Variants in CSMD1 observed in about 807,000 individuals in gnomAD.
CSMD1 encodes the protein CUB and Sushi multiple domains 1, also known as CUB and sushi domain-containing protein 1.
Under a neutral mutation model 417.5 loss-of-function variants are expected in CSMD1, and 213 were observed. That is an observed-to-expected ratio of 0.51 (90% CI 0.46 to 0.57). The LOEUF (loss-of-function observed/expected upper bound fraction) is 0.57. Among genes scored for constraint, CSMD1 ranks in the 20% least tolerant of loss-of-function variants. CSMD1 has a pLI of 0.00. For synonymous variants in CSMD1, 2,862 were observed against 1,736.8 expected, an observed-to-expected ratio of 1.65 and a Z score of -16.11; for missense variants, 6,923 against 4,529.7, an observed-to-expected ratio of 1.53 and a Z score of -15.17.
At chr8:4,351,709 C>T (rs77020760) in intron 3 of CSMD1, among the ~76,000 whole-genome samples, 1 of 152,064 alleles carries the variant, frequency 6.6e-6, no homozygotes. Context: ...AGGAATTAGC[C>T]AGACATGGAA....
At chr8:3,520,242 T>C (rs1797452071) in intron 10 of CSMD1, among the ~76,000 whole-genome samples, 1 of 152,004 alleles carries the variant, frequency 6.6e-6, no homozygotes, top group Admixed American at 6.6e-5. Flanking sequence ...TGATTATAGG[T>C]TGGCCAGAGA....
At chr8:4,175,093 G>A (rs940646082) in intron 3 of CSMD1, among the ~76,000 whole-genome samples, 4 of 151,720 alleles carry the variant, frequency 2.6e-5, no homozygotes, top group Non-Finnish European at 4.4e-5. Context: ...CACTTTCATA[G>A]ACAAATTTCT....
At chr8:3,306,405 C>T (rs892358601) in intron 25 of CSMD1, among the ~76,000 whole-genome samples, 5 of 152,116 alleles carry the variant, frequency 3.3e-5, no homozygotes, top group African/African-American at 1.2e-4. Flanking sequence ...AACTACTGAT[C>T]TTAAGTGATC....
intron 3 of CSMD1, among the ~76,000 whole-genome samples, chr8:4,132,305 T>G (rs1803158917): frequency 6.7e-6 from 1 of 150,370 alleles, no homozygotes; most frequent in East Asian, 2.0e-4. Flanking sequence ...GAAGGTAAAC[T>G]CAGACTGAGC....
intron 1 of CSMD1, among the ~76,000 whole-genome samples, chr8:4,961,617 C>G (rs1245924769): frequency 6.6e-6 from 1 of 152,076 alleles, no homozygotes; most frequent in Non-Finnish European, 1.5e-5. Context: ...CGTTTTGTCG[C>G]TCAAACTTTT....
intron 3 of CSMD1, among the ~76,000 whole-genome samples, chr8:4,136,609 G>C (rs901127595): frequency 6.6e-6 from 1 of 152,152 alleles, no homozygotes; most frequent in Non-Finnish European, 1.5e-5. Flanking sequence ...CAGCAAGAGA[G>C]GTTGAATATA....
chr8:4,017,742 A>T (rs1194954093), intron 4 of CSMD1, among the ~76,000 whole-genome samples: 2 of 152,148 alleles, frequency 1.3e-5, no homozygotes, highest in African/African-American at 4.8e-5. Flanking sequence ...TGTGCATGGT[A>T]CAAATGCTGA....
At chr8:3,426,309 C>T (rs546560693) in intron 12 of CSMD1, among the ~76,000 whole-genome samples, 2 of 152,198 alleles carry the variant, frequency 1.3e-5, no homozygotes, top group Admixed American at 6.5e-5. Flanking sequence ...TTTTAAGTAC[C>T]AGAGGTTATT....
chr8:3,124,583 A>G (rs1249885140), intron 41 of CSMD1, among the ~76,000 whole-genome samples: 1 of 152,214 alleles, frequency 6.6e-6, no homozygotes, highest in Non-Finnish European at 1.5e-5. Context: ...GAGTTTCAGA[A>G]GAGAGATGAC....
chr8:4,178,515 T>A (rs1344409758), intron 3 of CSMD1, among the ~76,000 whole-genome samples: 1 of 151,004 alleles, frequency 6.6e-6, no homozygotes, highest in African/African-American at 2.4e-5. Flanking sequence ...CTTTGAAAAC[T>A]GGCACAAGAC....
intron 1 of CSMD1, among the ~76,000 whole-genome samples, chr8:4,715,831 A>G (rs1004242492): frequency 1.3e-5 from 2 of 152,080 alleles, no homozygotes; most frequent in Admixed American, 1.3e-4. Context: ...TCTGGACCAA[A>G]CCAAAGTGGA....
intron 3 of CSMD1, among the ~76,000 whole-genome samples, chr8:4,314,050 A>G (rs1563438320): frequency 1.3e-5 from 2 of 151,360 alleles, no homozygotes; most frequent in South Asian, 4.2e-4. Context: ...AATAATAATA[A>G]TAATTCCAGT....
chr8:2,941,569 T>C (rs545835226), intron 69 of CSMD1, among the ~76,000 whole-genome samples: 2 of 152,346 alleles, frequency 1.3e-5, no homozygotes, highest in East Asian at 1.9e-4. Flanking sequence ...GAGTTTATAG[T>C]TCCTCCAAAA....
rs62505004 is a variant in CSMD1 at position 3,263,255 on chromosome 8, C to T, written c.4153+20889G>A. On this transcript the variant is annotated intron_variant, in intron 26 of 69. Coordinates refer to ENST00000635120, the MANE Select transcript of CSMD1 (RefSeq NM_033225.6). ...CTGGGATTACAGGTGTGTGCCACCACATCTGGCTAATTTTTGTGTTTTTAG... is the reference window on the plus strand; with the variant it reads ...CTGGGATTACAGGTGTGTGCCACCATATCTGGCTAATTTTTGTGTTTTTAG... Among the ~76,000 whole-genome samples, 100 of 152,298 alleles carry T rather than the reference C, an allele frequency of 6.6e-4. 1 individual carries two copies. The highest frequency in any genetic ancestry group is 4.1e-3 in the South Asian group (20 of 4,824).
At chr8:4,065,792 G>C (rs1448437442) in intron 3 of CSMD1, among the ~76,000 whole-genome samples, 3 of 152,132 alleles carry the variant, frequency 2.0e-5, no homozygotes, top group Non-Finnish European at 4.4e-5. Flanking sequence ...AAGAATTCCA[G>C]AAAATAACTG....
intron 1 of CSMD1, among the ~76,000 whole-genome samples, chr8:4,662,218 A>T (rs374982731): frequency 2.0e-5 from 3 of 152,208 alleles, no homozygotes; most frequent in African/African-American, 7.2e-5. Context: ...TTGCAAAGTT[A>T]TGCTATAATG....
intron 5 of CSMD1, among the ~76,000 whole-genome samples, chr8:3,944,323 A>G (rs1811083947): frequency 2.0e-5 from 3 of 152,144 alleles, no homozygotes; most frequent in Admixed American, 6.6e-5. Flanking sequence ...ACTTTTGCAT[A>G]ATGCCTTATT....
At chr8:4,140,082 G>C (rs1326104165) in intron 3 of CSMD1, among the ~76,000 whole-genome samples, 3 of 151,036 alleles carry the variant, frequency 2.0e-5, no homozygotes, top group Non-Finnish European at 4.4e-5. Flanking sequence ...GCCAGGTACA[G>C]TTACTCATGC....
intron 1 of CSMD1, among the ~76,000 whole-genome samples, chr8:4,756,788 T>G (rs1438435102): frequency 1.3e-5 from 2 of 152,212 alleles, no homozygotes; most frequent in African/African-American, 4.8e-5. Flanking sequence ...ATTTTAGGTC[T>G]ATATTTTCTA....
Sources: gnomAD v4.1 joint callset for allele counts (sites outside exome capture counted in the v4.1 genomes callset) on GRCh38, gnomAD v4.1.1 for gene constraint, MANE v1.5 for transcripts, NCBI Gene and HGNC (gene_info 2026-07-23, HGNC 2026-07-21) for gene names.